The following INSR variants were observed in gnomAD, a reference collection of about 807,000 sequenced individuals.
INSR encodes IR.
Under a neutral mutation model 142.6 loss-of-function variants are expected in INSR, and 67 were observed. That is an observed-to-expected ratio of 0.47 (90% CI 0.39 to 0.58). INSR has a LOEUF of 0.58. INSR is among the 20% of genes least tolerant of loss of function. The pLI, the probability that INSR is intolerant of heterozygous loss-of-function variation, is 0.00. For missense variants in INSR, 1,248 were observed against 1,833.2 expected, an observed-to-expected ratio of 0.68 and a Z score of 5.83; for synonymous variants, 756 against 743.1, an observed-to-expected ratio of 1.02 and a Z score of -0.28.
rs1344940722 is a variant in INSR at position 7,159,722 on chromosome 19, A to G, written c.2029+3310T>C. ...CTCAGGCGGGGATGATGTCACACAC[A>G]TACATATAGCATATGAGCTTAGAGC... is the stretch of plus-strand genomic sequence containing the variant. On this transcript the variant is annotated intron_variant, in intron 9 of 21. Transcript: ENST00000302850. This position sits in a 1 kb window ranked among gnomAD's most constrained non-coding sequence, Gnocchi z 4.3. 1.3e-5 allele frequency: 2 copies of G among 152,186 alleles called. No homozygotes were observed. The highest frequency in any genetic ancestry group is 2.4e-5 in the African/African-American group (1 of 41,426). The allele number at this position is 152,186 out of a possible 1,614,324, so 9.4% of individuals were successfully genotyped here. A position where few individuals can be genotyped will look rare whatever the true frequency, so the allele number is the denominator to read the frequency against.
intron 1 of INSR, among the ~76,000 whole-genome samples, chr19:7,290,133 C>A (rs1200963848): frequency 6.6e-6 from 1 of 152,096 alleles, no homozygotes; most frequent in Non-Finnish European, 1.5e-5. Flanking sequence ...GGCCAGACAC[C>A]GTGGCTCATG....
rs1258312088 is a variant in INSR at position 7,192,362 on chromosome 19, C to T, written c.653-7725G>A. 6.6e-6 allele frequency among the ~76,000 whole-genome samples: 1 copy of T among 151,750 alleles called. No homozygotes were observed. The highest frequency in any genetic ancestry group is 2.4e-5 in the African/African-American group (1 of 41,258). The stretch of plus-strand genomic sequence containing the variant: ...AAAGGGCATGACACAGATGAACTAG[C>T]CACAAAACAGCAGCTTCTTCTGGTG... On this transcript the variant is annotated intron_variant, in intron 2 of 21. Transcript: ENST00000302850. This position sits in a 1 kb window ranked among gnomAD's most constrained non-coding sequence, Gnocchi z 4.2.
At chr19:7,219,072 T>C (rs989620248) in intron 2 of INSR, among the ~76,000 whole-genome samples, 2 of 152,212 alleles carry the variant, frequency 1.3e-5, no homozygotes, top group Non-Finnish European at 2.9e-5. Context: ...AGTCACTCTG[T>C]GTGTGGTTTT....
chr19:7,157,168 C>T (rs763638480), intron 9 of INSR, among the ~76,000 whole-genome samples: 25 of 152,068 alleles, frequency 1.6e-4, no homozygotes, highest in Non-Finnish European at 3.4e-4. Flanking sequence ...TTAGTAGAGA[C>T]GGGGTTTGGC....
chr19:7,238,690 C>T (rs182312362), intron 2 of INSR, among the ~76,000 whole-genome samples: 2 of 150,482 alleles, frequency 1.3e-5, no homozygotes, highest in African/African-American at 2.4e-5. Context: ...TCTCATCTCT[C>T]GTCTCAGCCT....
rs199914604 is a variant in INSR at position 7,119,650 on chromosome 19, A to C, written c.3660-67T>G. 2.8e-5 allele frequency: 41 copies of C among 1,472,920 alleles called. No individual in the cohort carries two copies. The Admixed American group carries it at 4.1e-4, about 15-fold the overall frequency. 91.2% of individuals were successfully genotyped at this position (1,472,920 alleles called of 1,614,324 possible). ...GACACACACACACACGCGCGCGCGC[A>C]AACACACACACGCAAACGCACACAC... On this transcript the variant is annotated intron_variant, in intron 20 of 21. Transcript: ENST00000302850. The surrounding 1 kb of genome is among the most constrained non-coding windows in gnomAD (Gnocchi z 5.2).
At chr19:7,165,671 T>A (rs1169749931) in intron 8 of INSR, among the ~76,000 whole-genome samples, 1 of 151,960 alleles carries the variant, frequency 6.6e-6, no homozygotes, top group African/African-American at 2.4e-5. Context: ...AAGACCAGCC[T>A]GGGTAACACA....
At chr19:7,211,725 G>T (rs1235345677) in intron 2 of INSR, among the ~76,000 whole-genome samples, 3 of 152,160 alleles carry the variant, frequency 2.0e-5, no homozygotes, top group African/African-American at 7.2e-5. Flanking sequence ...GCCGGCAGCC[G>T]CGGAGAAGGA....
intron 2 of INSR, among the ~76,000 whole-genome samples, chr19:7,262,684 C>T (rs1281551947): frequency 3.3e-5 from 5 of 152,252 alleles, no homozygotes; most frequent in Middle Eastern, 6.8e-3. Flanking sequence ...AAAGAATTTC[C>T]GACACAGGCT....
At chr19:7,118,410 C>T (rs1972391978) in intron 21 of INSR, among the ~76,000 whole-genome samples, 1 of 151,866 alleles carries the variant, frequency 6.6e-6, no homozygotes. Flanking sequence ...CTCTGCCTCC[C>T]CGATTCAAGC....
intron 8 of INSR, among the ~76,000 whole-genome samples, chr19:7,163,426 G>T (rs1466522442): frequency 6.6e-6 from 1 of 152,014 alleles, no homozygotes; most frequent in Non-Finnish European, 1.5e-5. Flanking sequence ...CAGGTGTGGT[G>T]GTGGGCGCCT....
intron 8 of INSR, among the ~76,000 whole-genome samples, chr19:7,165,546 G>A (rs1341037621): frequency 1.3e-5 from 2 of 151,896 alleles, no homozygotes; most frequent in South Asian, 2.1e-4. Context: ...GAAACTATAA[G>A]CCTCAATACC....
In INSR at chr19:7,271,984, T is replaced by A. The variant is rs1040272333; in HGVS notation, c.101-4088A>T. On this transcript the variant is annotated intron_variant, in intron 1 of 21. Transcript: ENST00000302850. ...GTGTTTGTACCCCTGCACTCCAGCC[T>A]GGGCAACAGAGCAATATCTTGTCTC... is the stretch of plus-strand genomic sequence containing the variant. Among the ~76,000 whole-genome samples, 15 of 151,986 alleles carry A rather than the reference T, an allele frequency of 9.9e-5. 1 individual carries two copies. Among genetic ancestry groups the A allele is most frequent in the Non-Finnish European group, 2.2e-4 (15 of 67,996 alleles).
At chr19:7,236,840 C>T (rs968593013) in intron 2 of INSR, among the ~76,000 whole-genome samples, 15 of 151,814 alleles carry the variant, frequency 9.9e-5, no homozygotes, top group African/African-American at 3.6e-4. Context: ...TCCTGGCTAA[C>T]ACGGTGAAAC....
In INSR at chr19:7,119,942, C is replaced by T. The variant is rs1019990571; in HGVS notation, c.3660-359G>A. 4.6e-5 allele frequency among the ~76,000 whole-genome samples: 7 copies of T among 152,104 alleles called. No homozygotes were observed. Among genetic ancestry groups the T allele is most frequent in the Non-Finnish European group, 8.8e-5 (6 of 68,014 alleles). On this transcript the variant is annotated intron_variant, in intron 20 of 21. Coordinates refer to ENST00000302850, the MANE Select transcript of INSR (RefSeq NM_000208.4). The surrounding 1 kb of genome is among the most constrained non-coding windows in gnomAD (Gnocchi z 5.2). Reference sequence around the variant, plus strand: ...CAAACACATCTCTTGGTTTCTAGAACATGGTTAGCCACTTAATAAAACAAT... The same window carrying T: ...CAAACACATCTCTTGGTTTCTAGAATATGGTTAGCCACTTAATAAAACAAT...
chr19:7,261,157 G>A (rs1291527886), intron 2 of INSR, among the ~76,000 whole-genome samples: 1 of 152,058 alleles, frequency 6.6e-6, no homozygotes, highest in East Asian at 1.9e-4. Flanking sequence ...CAAAGTGCTG[G>A]CATTACAAGC....
intron 2 of INSR, among the ~76,000 whole-genome samples, chr19:7,193,664 T>C (rs1974660715): frequency 6.6e-6 from 1 of 152,052 alleles, no homozygotes; most frequent in South Asian, 2.1e-4. Flanking sequence ...TATTTGGAAA[T>C]ACATATTTTT....
At chr19:7,289,342 G>T (rs1375335020) in intron 1 of INSR, among the ~76,000 whole-genome samples, 4 of 151,924 alleles carry the variant, frequency 2.6e-5, no homozygotes, top group Non-Finnish European at 5.9e-5. Flanking sequence ...ATGGGGATTG[G>T]GGGGTACTGG....
chr19:7,198,898 T>TGG (rs1568481833), intron 2 of INSR, among the ~76,000 whole-genome samples: 45 of 149,466 alleles, frequency 3.0e-4, no homozygotes, highest in African/African-American at 1.0e-3. Context: ...TACACTTTTT[T>TGG]TGGGGGGGGG....
Sources: gnomAD v4.1 joint callset for allele counts (sites outside exome capture counted in the v4.1 genomes callset) on GRCh38, gnomAD v4.1.1 for gene constraint, Gnocchi (gnomAD v3.1) non-coding constraint, MANE v1.5 for transcripts, NCBI Gene and HGNC (gene_info 2026-07-23, HGNC 2026-07-21) for gene names.